The following NCKAP5 variants were observed in gnomAD, a reference collection of about 807,000 sequenced individuals.
The protein encoded by NCKAP5 is NCK associated protein 5, also known as nck-associated protein 5.
In NCKAP5, 92 loss-of-function variants were observed where a neutral mutation model predicts 167.0. The ratio of observed to expected loss-of-function variants is 0.55; its 90% CI spans 0.47 to 0.66. The LOEUF (loss-of-function observed/expected upper bound fraction) is 0.66. NCKAP5 is among the 30% of genes least tolerant of loss of function. The pLI is 0.00. For missense variants in NCKAP5, 2,378 were observed against 2,315.0 expected (o/e 1.03, Z -0.56); for synonymous variants, 891 against 877.4 (o/e 1.02, Z -0.27).
intron 3 of NCKAP5, among the ~76,000 whole-genome samples, chr2:133,409,593 G>T (rs1249561399): frequency 4.4e-5 from 6 of 136,036 alleles, no homozygotes; most frequent in African/African-American, 1.1e-4. Flanking sequence ...TCATGGAGAA[G>T]TTTACAGAGT....
chr2:133,307,262 A>C (rs1680844355), intron 3 of NCKAP5, among the ~76,000 whole-genome samples: 1 of 152,240 alleles, frequency 6.6e-6, no homozygotes, highest in South Asian at 2.1e-4. Context: ...AAGGATAAGG[A>C]TGAAAATGAA....
intron 15 of NCKAP5, among the ~76,000 whole-genome samples, chr2:132,779,759 A>T (rs1682862643): frequency 6.6e-6 from 1 of 152,198 alleles, no homozygotes; most frequent in Non-Finnish European, 1.5e-5. Context: ...CTTGAAGGAA[A>T]TCTAAACATC....
chr2:133,501,627 G>A (rs916141096), intron 3 of NCKAP5, among the ~76,000 whole-genome samples: 6 of 152,262 alleles, frequency 3.9e-5, no homozygotes, highest in Non-Finnish European at 8.8e-5. Context: ...AATTAAAGTC[G>A]TGTTCATTCA....
intron 19 of NCKAP5, among the ~76,000 whole-genome samples, chr2:132,710,468 C>T (rs562936262): frequency 6.3e-4 from 96 of 152,284 alleles, no homozygotes; most frequent in African/African-American, 2.3e-3. Flanking sequence ...AACAGATGTT[C>T]TTAAACCTAA....
At position 132,678,132 on chromosome 2, in the gene NCKAP5, G is replaced by A. The variant is rs185610452; in HGVS notation, c.5714-4827C>T. Among the ~76,000 whole-genome samples the A allele has an allele frequency of 3.6e-4, 54 of 152,094 alleles. No homozygotes were observed. The South Asian group carries it at 5.2e-3, about 15-fold the overall frequency. ...TAATGAAGAGGTGGAAAATATGTACGGTGATACAGAAAAACTCAAGTGATA... is the reference window on the plus strand; with the variant it reads ...TAATGAAGAGGTGGAAAATATGTACAGTGATACAGAAAAACTCAAGTGATA... On this transcript the variant is annotated intron_variant, in intron 19 of 19. Transcript: ENST00000409261.
chr2:133,203,041 T>TA (rs2085772275), intron 5 of NCKAP5, among the ~76,000 whole-genome samples: 1 of 152,188 alleles, frequency 6.6e-6, no homozygotes. Context: ...CATTTCTGGG[T>TA]ATATACCCAG....
Position 133,283,560 on chromosome 2 carries a change from A to C in NCKAP5, c.143+19477T>G, listed in dbSNP as rs1294064241. Among the ~76,000 whole-genome samples the C allele has an allele frequency of 2.0e-5, 3 of 151,916 alleles. No homozygotes were observed. The South Asian group carries it at 6.3e-4, about 32-fold the overall frequency. On this transcript the variant is annotated intron_variant, in intron 4 of 19. Transcript: ENST00000409261. ...TTTAAATGTAAGCGCTACAGTTCAC[A>C]TTTTTCTAGATGGTCACAAAACAAA...
intron 11 of NCKAP5, among the ~76,000 whole-genome samples, chr2:132,805,330 A>C (rs1248177332): frequency 6.6e-6 from 1 of 152,208 alleles, no homozygotes; most frequent in African/African-American, 2.4e-5. Context: ...TGCAGAGTTC[A>C]TGCTCTTAAT....
Position 132,784,081 on chromosome 2 carries a change from G to T in NCKAP5, c.2730C>A (p.Pro910=), listed in dbSNP as rs897216609. The change falls in exon 14 of 20, where the codon CCC becomes CCA. Residue 910 remains proline, a synonymous_variant. Coordinates refer to ENST00000409261, the MANE Select transcript of NCKAP5 (RefSeq NM_207363.3). ...AIESSDSGEP[P]TRDEHCGSGP... The stretch of plus-strand genomic sequence containing the variant: ...CAGAGCCACAGTGTTCATCCCTCGT[G>T]GGGGGCTCTCCACTGTCACTAGACT... 10 of 1,521,710 alleles carry T rather than the reference G, an allele frequency of 6.6e-6. No homozygotes were observed. The highest frequency in any genetic ancestry group is 5.3e-6 in the Non-Finnish European group (6 of 1,136,896). 94.3% of individuals were successfully genotyped at this position (1,521,710 alleles called of 1,614,324 possible).
chr2:132,965,904 TTGTGTGTGTGTGTG>T (rs60589235), intron 7 of NCKAP5, among the ~76,000 whole-genome samples: 21 of 140,958 alleles, frequency 1.5e-4, no homozygotes, highest in African/African-American at 4.2e-4. Flanking sequence ...ACATGACTCT[TTGTGTGTGTGTGTG>T]TGTGTGTGTG....
intron 8 of NCKAP5, among the ~76,000 whole-genome samples, chr2:132,940,805 T>C (rs2149098437): frequency 6.6e-6 from 1 of 151,848 alleles, no homozygotes; most frequent in East Asian, 1.9e-4. Context: ...AAAAAAAAAG[T>C]TAACATTTTG....
chr2:133,335,356 T>C (rs547825447), intron 3 of NCKAP5, among the ~76,000 whole-genome samples: 1 of 152,356 alleles, frequency 6.6e-6, no homozygotes, highest in South Asian at 2.1e-4. Context: ...AGATTGCTAG[T>C]AATTCTTATT....
intron 3 of NCKAP5, among the ~76,000 whole-genome samples, chr2:133,440,305 C>G (rs564778447): frequency 6.6e-6 from 1 of 152,258 alleles, no homozygotes; most frequent in South Asian, 2.1e-4. Flanking sequence ...CATAAAAATA[C>G]AAATAGTACA....
At chr2:133,165,730 G>T (rs1295870976) in intron 5 of NCKAP5, among the ~76,000 whole-genome samples, 1 of 152,106 alleles carries the variant, frequency 6.6e-6, no homozygotes, top group Non-Finnish European at 1.5e-5. Context: ...AAGATCACCT[G>T]CCATCTTTGG....
intron 19 of NCKAP5, among the ~76,000 whole-genome samples, chr2:132,712,066 T>A (rs1688895954): frequency 6.6e-6 from 1 of 152,142 alleles, no homozygotes; most frequent in African/African-American, 2.4e-5. Context: ...CCTCTCAAAT[T>A]CACTGGCACA....
At chr2:133,359,123 C>T (rs1574792328) in intron 3 of NCKAP5, among the ~76,000 whole-genome samples, 1 of 152,190 alleles carries the variant, frequency 6.6e-6, no homozygotes, top group Admixed American at 6.5e-5. Flanking sequence ...ATGAAAGAAA[C>T]ATTGACATTC....
intron 6 of NCKAP5, among the ~76,000 whole-genome samples, chr2:133,044,499 T>C (rs543629848): frequency 3.9e-5 from 6 of 152,100 alleles, no homozygotes; most frequent in Non-Finnish European, 7.4e-5. Flanking sequence ...CCATTTAATG[T>C]GTAAATTCTA....
chr2:132,699,723 C>T (rs1225258835), intron 19 of NCKAP5, among the ~76,000 whole-genome samples: 1 of 152,200 alleles, frequency 6.6e-6, no homozygotes, highest in Non-Finnish European at 1.5e-5. Context: ...TTAATCCAGT[C>T]TATCATTGAT....
chr2:132,925,823 G>C (rs2149030135), intron 8 of NCKAP5, among the ~76,000 whole-genome samples: 1 of 152,288 alleles, frequency 6.6e-6, no homozygotes, highest in South Asian at 2.1e-4. Flanking sequence ...AAGTAAGGTA[G>C]GGGATACAAA....
Sources: gnomAD v4.1 joint callset for allele counts (sites outside exome capture counted in the v4.1 genomes callset) on GRCh38, gnomAD v4.1.1 for gene constraint, MANE v1.5 for transcripts, NCBI Gene and HGNC (gene_info 2026-07-23, HGNC 2026-07-21) for gene names.